Variants in FSD1L observed in about 807,000 individuals in gnomAD.
FSD1L encodes FSD1-like protein.
In FSD1L, 45 loss-of-function variants were observed where a neutral mutation model predicts 71.6. The ratio of observed to expected loss-of-function variants is 0.63; its 90% CI spans 0.49 to 0.81. The LOEUF is 0.81. Among genes scored for constraint, FSD1L ranks in the 30% least tolerant of loss-of-function variants. The pLI, the probability that FSD1L is intolerant of heterozygous loss-of-function variation, is 0.00. For synonymous variants in FSD1L, 197 were observed against 207.2 expected (o/e 0.95, Z 0.42); for missense variants, 561 against 618.1 (o/e 0.91, Z 0.98).
Position 105,535,271 on chromosome 9 carries a change from A to G in FSD1L, c.1331A>G (p.Asp444Gly), listed in dbSNP as rs771960294. ...AKHNNKVKAL[D>G]VTVPEKIGVF... ...CATAATAATAAAGTCAAAGCTTTGG[A>G]TGTTACTGTTCCTGAAAAAATAGGT... is the stretch of plus-strand genomic sequence containing the variant. The change falls in exon 12 of 14, where the codon GAT (aspartate) becomes GGT (glycine). Residue 444 changes from aspartate to glycine, a missense_variant. Around this residue, in one of 3 missense-constraint regions of FSD1L, gnomAD observed 98 missense variants for 102.3 expected, o/e 0.96. Coordinates refer to ENST00000481272, the MANE Select transcript of FSD1L (RefSeq NM_001145313.3). The G allele has an allele frequency of 1.0e-5, 16 of 1,551,540 alleles. No homozygotes were observed. Among genetic ancestry groups the G allele is most frequent in the Non-Finnish European group, 1.2e-5 (14 of 1,146,936 alleles).
In FSD1L at chr9:105,548,785, C is replaced by A. The variant is rs1217946605; in HGVS notation, c.*2302C>A. ...CATGTATTATTTGATACTAAATTTT[C>A]AATTATTACTTCAAAATAAGAGTCT... On this transcript the variant is annotated 3_prime_UTR_variant, in exon 14 of 14. Transcript: ENST00000481272. 2.0e-5 allele frequency: 3 copies of A among 151,952 alleles called. No individual in the cohort carries two copies. Among genetic ancestry groups the A allele is most frequent in the Non-Finnish European group, 4.4e-5 (3 of 67,944 alleles). The allele number at this position is 151,952 out of a possible 1,614,324, so 9.4% of individuals were successfully genotyped here.
rs1588893641 is a variant in FSD1L at position 105,448,188 on chromosome 9, C to T, written c.-33C>T. 2.0e-6 allele frequency: 3 copies of T among 1,529,518 alleles called. No individual in the cohort carries two copies. The highest frequency in any genetic ancestry group is 2.6e-5 in the East Asian group (1 of 38,758). The allele number at this position is 1,529,518 out of a possible 1,614,324, so 94.7% of individuals were successfully genotyped here. On this transcript the variant is annotated 5_prime_UTR_variant, in exon 1 of 14. Coordinates refer to ENST00000481272, the MANE Select transcript of FSD1L (RefSeq NM_001145313.3). ...AGCCTCCTCACACGGTTCGTCGTCT[C>T]GGGTTCGAGCCCAGTGGGCTTAGCC...
chr9:105,538,200 A>G (rs923632281), intron 12 of FSD1L, among the ~76,000 whole-genome samples: 3 of 152,198 alleles, frequency 2.0e-5, no homozygotes, highest in Non-Finnish European at 4.4e-5. Context: ...GTACAGGACA[A>G]TATATTTAAG....
chr9:105,453,101 A>G (rs1830153628), intron 1 of FSD1L, among the ~76,000 whole-genome samples: 1 of 131,424 alleles, frequency 7.6e-6, no homozygotes, highest in Non-Finnish European at 1.5e-5. Context: ...AATAGTTGAT[A>G]GATGATAAAG....
chr9:105,540,387 TTATTGG>T (rs1051778557), intron 13 of FSD1L, among the ~76,000 whole-genome samples: 29 of 152,132 alleles, frequency 1.9e-4, no homozygotes, highest in African/African-American at 6.8e-4. Context: ...TCCTTTTTCC[TTATTGG>T]TATTGTTTGA....
At chr9:105,457,798 G>A (rs1013121414) in intron 1 of FSD1L, among the ~76,000 whole-genome samples, 3 of 152,206 alleles carry the variant, frequency 2.0e-5, no homozygotes, top group African/African-American at 4.8e-5. Context: ...TTTGGGGTCC[G>A]GCCACTGTGC....
At chr9:105,520,312 C>T in intron 10 of FSD1L, 3 of 1,422,308 alleles carry the variant, frequency 2.1e-6, no homozygotes, top group South Asian at 2.4e-5. Context: ...CTCGAGCTGT[C>T]TTCCTGATGC....
At chr9:105,448,976 A>G (rs1211356230) in intron 1 of FSD1L, among the ~76,000 whole-genome samples, 1 of 152,246 alleles carries the variant, frequency 6.6e-6, no homozygotes, top group Non-Finnish European at 1.5e-5. Context: ...TCTTGAATAC[A>G]GTTAGAAGTG....
At chr9:105,529,054 CA>C (rs1310603571) in intron 10 of FSD1L, among the ~76,000 whole-genome samples, 1 of 152,128 alleles carries the variant, frequency 6.6e-6, no homozygotes, top group Non-Finnish European at 1.5e-5. Context: ...AAATGCAAAT[CA>C]AAACCACCAT....
intron 8 of FSD1L, 67 bp downstream of exon 8, chr9:105,506,675 GTTACT>G: frequency 8.4e-7 from 1 of 1,184,762 alleles, no homozygotes. Context: ...AATATTTTGA[GTTACT>G]TTAAAGAATA....
rs367810321 is a variant in FSD1L at position 105,479,347 on chromosome 9, C to G, written c.442-7C>G. 1.4e-5 allele frequency: 22 copies of G among 1,550,370 alleles called. No homozygotes were observed. In the African/African-American group the frequency reaches 3.0e-4, roughly 21 times the overall value. On this transcript the variant is annotated splice_polypyrimidine_tract_variant and splice_region_variant and intron_variant, in intron 5 of 13. Coordinates refer to ENST00000481272, the MANE Select transcript of FSD1L (RefSeq NM_001145313.3). ...CCTTCTTTCTCTTCTCCCTGATTGG[C>G]TCCAAGGCTGCCAGACAGATCAAGG...
chr9:105,544,568 T>A (rs1229017330), intron 13 of FSD1L, among the ~76,000 whole-genome samples: 1 of 152,182 alleles, frequency 6.6e-6, no homozygotes, highest in African/African-American at 2.4e-5. Context: ...AGGTCTAACA[T>A]TTAAGTCTTT....
intron 1 of FSD1L, among the ~76,000 whole-genome samples, chr9:105,453,309 G>A (rs1477800532): frequency 6.6e-6 from 1 of 151,714 alleles, no homozygotes; most frequent in East Asian, 1.9e-4. Flanking sequence ...CGCCTCCCTC[G>A]TAGCTGGGAT....
chr9:105,466,525 T>C (rs1313650876), intron 3 of FSD1L, among the ~76,000 whole-genome samples: 1 of 152,082 alleles, frequency 6.6e-6, no homozygotes, highest in Non-Finnish European at 1.5e-5. Flanking sequence ...AAACCCCATC[T>C]CTACTAAAAA....
In FSD1L at chr9:105,548,321, C is replaced by G. The variant is rs2131552095; in HGVS notation, c.*1838C>G. ...GAATTTATAATTCCTTTCATAGACT[C>G]AAACCTGAAAGCAGAAATTTTTAGT... On this transcript the variant is annotated 3_prime_UTR_variant, in exon 14 of 14. Coordinates refer to ENST00000481272, the MANE Select transcript of FSD1L (RefSeq NM_001145313.3). The G allele has an allele frequency of 6.6e-6, 1 of 152,498 alleles. No homozygotes were observed. 9.4% of individuals were successfully genotyped at this position (152,498 alleles called of 1,614,324 possible). A position where few individuals can be genotyped will look rare whatever the true frequency, so the allele number is the denominator to read the frequency against.
At chr9:105,515,819 G>T (rs746112902) in intron 10 of FSD1L, among the ~76,000 whole-genome samples, 21 of 150,090 alleles carry the variant, frequency 1.4e-4, no homozygotes, top group African/African-American at 4.7e-4. Context: ...CTCCAGTGGC[G>T]CCTGGAACAC....
intron 10 of FSD1L, chr9:105,522,166 C>T: frequency 6.2e-7 from 1 of 1,614,006 alleles, no homozygotes; most frequent in South Asian, 1.1e-5. Flanking sequence ...GTGTACATCT[C>T]CCGAGAACTT....
chr9:105,471,721 G>A (rs932932100), intron 4 of FSD1L, among the ~76,000 whole-genome samples, 183 bp from the exon 5 acceptor site: 11 of 98,372 alleles, frequency 1.1e-4, no homozygotes, highest in Middle Eastern at 5.0e-3. Flanking sequence ...AAAATAACAC[G>A]TTTTATATAT....
chr9:105,548,359 T>G lies in FSD1L; in HGVS notation c.*1876T>G, dbSNP rs928681456. On this transcript the variant is annotated 3_prime_UTR_variant, in exon 14 of 14. Coordinates refer to ENST00000481272, the MANE Select transcript of FSD1L (RefSeq NM_001145313.3). Reference sequence around the variant, plus strand: ...AGAAATTTTTAGTAGTTGAGTTGCTTTAAGTGAATTTTAACAAATATGACA... The same window carrying G: ...AGAAATTTTTAGTAGTTGAGTTGCTGTAAGTGAATTTTAACAAATATGACA... The G allele has an allele frequency of 5.9e-5, 9 of 152,562 alleles. No individual in the cohort carries two copies. The highest frequency in any genetic ancestry group is 1.9e-4 in the African/African-American group (8 of 41,448). 9.5% of individuals were successfully genotyped at this position (152,562 alleles called of 1,614,324 possible).
Sources: gnomAD v4.1 joint callset for allele counts (sites outside exome capture counted in the v4.1 genomes callset) on GRCh38, gnomAD v4.1.1 for gene constraint, gnomAD v4.1.1 regional missense constraint, MANE v1.5 for transcripts, NCBI Gene and HGNC (gene_info 2026-07-23, HGNC 2026-07-21) for gene names.